DOCK7: variants seen among roughly 807,000 people sequenced by gnomAD.
DOCK7 encodes the protein dedicator of cytokinesis protein 7.
Under a neutral mutation model 271.0 loss-of-function variants are expected in DOCK7, and 138 were observed. The observed-to-expected ratio is 0.51, with a 90% confidence interval of 0.44 to 0.59. The LOEUF (loss-of-function observed/expected upper bound fraction) is 0.59. Ranked by LOEUF, DOCK7 falls within the 20% of genes least tolerant of loss-of-function variation. The pLI, the probability that DOCK7 is intolerant of heterozygous loss-of-function variation, is 0.00. For synonymous variants in DOCK7, 823 were observed against 876.1 expected (o/e 0.94, Z 1.07); for missense variants, 2,066 against 2,592.4 (o/e 0.80, Z 4.41).
At chr1:62,615,078 T>C (rs1477812815) in intron 14 of DOCK7, among the ~76,000 whole-genome samples, 2 of 151,896 alleles carry the variant, frequency 1.3e-5, no homozygotes, top group African/African-American at 4.8e-5. Context: ...CAATTTTTCA[T>C]AAGCTACACA....
At chr1:62,507,248 A>G (rs1646968862) in intron 35 of DOCK7, among the ~76,000 whole-genome samples, 1 of 152,182 alleles carries the variant, frequency 6.6e-6, no homozygotes, top group South Asian at 2.1e-4. Flanking sequence ...GTAGAAAAGG[A>G]ATGGAAGGAA....
chr1:62,492,623 A>C lies in DOCK7; in HGVS notation c.5361+81T>G, dbSNP rs1184785646. ...TATCTTTAAAGAAAAGTAGGGTCATAAGCCAGAGAGAATAAATACACATGT... is the reference window on the plus strand; with the variant it reads ...TATCTTTAAAGAAAAGTAGGGTCATCAGCCAGAGAGAATAAATACACATGT... On this transcript the variant is annotated intron_variant, in intron 41 of 49. Coordinates refer to ENST00000635253, the MANE Select transcript of DOCK7 (RefSeq NM_001367561.1). The C allele has an allele frequency of 1.9e-6, 3 of 1,557,846 alleles. No individual in the cohort carries two copies. In the Admixed American group the frequency reaches 5.2e-5, roughly 27 times the overall value.
intron 14 of DOCK7, among the ~76,000 whole-genome samples, chr1:62,592,757 T>A (rs1286609814): frequency 6.6e-6 from 1 of 152,132 alleles, no homozygotes; most frequent in South Asian, 2.1e-4. Context: ...CCTTTTTCAT[T>A]AAAAGCATTT....
At chr1:62,556,128 G>C in intron 20 of DOCK7, 139 bp from the exon 21 acceptor site, 2 of 848,018 alleles carry the variant, frequency 2.4e-6, no homozygotes, top group Non-Finnish European at 3.5e-6. Context: ...ATTACTATTT[G>C]ATATTGACTT....
intron 14 of DOCK7, chr1:62,605,021 A>C (rs1650769093): frequency 1.1e-5 from 6 of 540,054 alleles, no homozygotes; most frequent in South Asian, 1.0e-4. Flanking sequence ...AATTCTTATA[A>C]TACTATTTGT....
At chr1:62,560,097 C>T (rs896401593) in intron 19 of DOCK7, among the ~76,000 whole-genome samples, 3 of 152,122 alleles carry the variant, frequency 2.0e-5, no homozygotes, top group African/African-American at 7.2e-5. Context: ...CTGGACTTCA[C>T]CCCATGAGCC....
intron 14 of DOCK7, chr1:62,607,754 T>A (rs1225311588): frequency 6.6e-6 from 1 of 152,190 alleles, no homozygotes; most frequent in Non-Finnish European, 1.5e-5. Context: ...AGAATTTTAC[T>A]TTAAAATTGC....
At chr1:62,486,189 T>C (rs868459625) in intron 43 of DOCK7, 1 of 152,146 alleles carries the variant, frequency 6.6e-6, no homozygotes, top group South Asian at 2.1e-4. Context: ...ATTTTGAGTA[T>C]TGATACAGTC....
At chr1:62,501,015 T>C (rs1336529282) in intron 37 of DOCK7, among the ~76,000 whole-genome samples, 3 of 150,534 alleles carry the variant, frequency 2.0e-5, no homozygotes, top group Non-Finnish European at 3.0e-5. Flanking sequence ...CTAGCCTGGG[T>C]GACAGGAGGA....
At chr1:62,651,341 C>A (rs1657335298) in intron 4 of DOCK7, among the ~76,000 whole-genome samples, 1 of 147,442 alleles carries the variant, frequency 6.8e-6, no homozygotes, top group East Asian at 2.0e-4. Context: ...AGGAGATATA[C>A]CTAATATAAA....
At chr1:62,510,765 A>G in intron 33 of DOCK7, 92 bp from the exon 34 acceptor site, 1 of 994,044 alleles carries the variant, frequency 1.0e-6, no homozygotes, top group Non-Finnish European at 1.5e-6. Context: ...ATATACAACA[A>G]TAATTTGTAC....
chr1:62,588,866 AC>A (rs1277901104), intron 14 of DOCK7, among the ~76,000 whole-genome samples: 3 of 151,988 alleles, frequency 2.0e-5, no homozygotes, highest in South Asian at 2.1e-4. Flanking sequence ...TCAGCCTCCT[AC>A]GTAGCTGGGA....
chr1:62,603,670 G>A (rs1350099734), intron 14 of DOCK7, among the ~76,000 whole-genome samples: 4 of 151,642 alleles, frequency 2.6e-5, no homozygotes, highest in African/African-American at 7.3e-5. Flanking sequence ...TACCAATGAC[G>A]AGACTTTAAA....
chr1:62,542,050 A>T (rs1168022), intron 25 of DOCK7, among the ~76,000 whole-genome samples: 88,123 of 151,086 alleles, frequency 0.58, 27,356 homozygotes, highest in East Asian at 0.76. Context: ...TTAAAAAAAA[A>T]TTTTTTTGGT....
chr1:62,659,907 A>C lies in DOCK7; in HGVS notation c.144+3118T>G, dbSNP rs575258147. Among the ~76,000 whole-genome samples the C allele has an allele frequency of 1.5e-3, 235 of 152,296 alleles. 3 individuals are homozygous for C. The highest frequency in any genetic ancestry group is 0.015 in the South Asian group (71 of 4,830). On this transcript the variant is annotated intron_variant, in intron 2 of 49. Coordinates refer to ENST00000635253, the MANE Select transcript of DOCK7 (RefSeq NM_001367561.1). ...CAGAGTTATACTCTGTGTATGTACT[A>C]AATAACAGAGCTATAAAATAGGTGT...
Position 62,495,701 on chromosome 1 carries a change from G to C in DOCK7, c.4924-20C>G. Reference sequence around the variant, plus strand: ...CTGGACCTGCAGCAGAGAATTATATGAAAAACATTCTTGAATTGTCATTCA... The same window carrying C: ...CTGGACCTGCAGCAGAGAATTATATCAAAAACATTCTTGAATTGTCATTCA... On this transcript the variant is annotated intron_variant, in intron 38 of 49. Transcript: ENST00000635253. 6.5e-7 allele frequency: 1 copy of C among 1,543,324 alleles called. No individual in the cohort carries two copies. The highest frequency in any genetic ancestry group is 1.2e-5 in the South Asian group (1 of 82,510).
chr1:62,625,569 A>G (rs981210414), intron 11 of DOCK7, among the ~76,000 whole-genome samples, 168 bp from the exon 12 acceptor site: 1 of 152,180 alleles, frequency 6.6e-6, no homozygotes, highest in African/African-American at 2.4e-5. Context: ...AAGTACCTAA[A>G]TCTTCTGGTT....
chr1:62,487,604 A>C, intron 42 of DOCK7, 192 bp from the exon 43 acceptor site: 1 of 482,992 alleles, frequency 2.1e-6, no homozygotes, highest in Middle Eastern at 5.7e-4. Context: ...AGTGGCTAAA[A>C]TTTTGCCTTT....
chr1:62,546,602 T>C (rs1210845931), intron 22 of DOCK7, among the ~76,000 whole-genome samples: 4 of 152,100 alleles, frequency 2.6e-5, no homozygotes, highest in East Asian at 1.9e-4. Context: ...TGGAAGTAAA[T>C]TACTAAGTTC....
Sources: allele counts gnomAD v4.1 joint callset (sites outside exome capture counted in the v4.1 genomes callset), GRCh38; gene constraint gnomAD v4.1.1; transcripts MANE v1.5; gene names NCBI Gene and HGNC (gene_info 2026-07-23, HGNC 2026-07-21).